NAA50: variants seen among roughly 807,000 people sequenced by gnomAD.
NAA50 encodes N-alpha-acetyltransferase 50.
In NAA50, 7 loss-of-function variants were observed where a neutral mutation model predicts 20.7. That is an observed-to-expected ratio of 0.34 (90% CI 0.19 to 0.63). The LOEUF is 0.63. Ranked by LOEUF, NAA50 falls within the 30% of genes least tolerant of loss-of-function variation. The pLI, the probability that NAA50 is intolerant of heterozygous loss-of-function variation, is 0.75. For missense variants in NAA50, 111 were observed against 199.1 expected, an observed-to-expected ratio of 0.56 and a Z score of 2.66; for synonymous variants, 54 against 70.6, an observed-to-expected ratio of 0.77 and a Z score of 1.18.
Position 113,721,750 on chromosome 3 carries a change from T to C in NAA50, c.*10A>G. On this transcript the variant is annotated 3_prime_UTR_variant, in exon 5 of 5. Transcript: ENST00000240922. Reference sequence around the variant, plus strand: ...ACAAGCAAGTGCAAGAAAGTTCATTTGTAATTTGTTCAGTTGTCTGTCTTT... The same window carrying C: ...ACAAGCAAGTGCAAGAAAGTTCATTCGTAATTTGTTCAGTTGTCTGTCTTT... 3 of 1,613,610 alleles carry C rather than the reference T, an allele frequency of 1.9e-6. No individual in the cohort carries two copies. The highest frequency in any genetic ancestry group is 2.5e-6 in the Non-Finnish European group (3 of 1,179,684).
At chr3:113,731,248 A>G (rs1463101777) in intron 1 of NAA50, among the ~76,000 whole-genome samples, 1 of 152,138 alleles carries the variant, frequency 6.6e-6, no homozygotes, top group African/African-American at 2.4e-5. Flanking sequence ...TGTATGTTGC[A>G]AAGAATTTTT....
chr3:113,723,117 G>T (rs887157728), intron 3 of NAA50, 145 bp from the exon 4 acceptor site: 2 of 1,189,030 alleles, frequency 1.7e-6, no homozygotes, highest in Admixed American at 6.7e-5. Context: ...CCAAAGTTGT[G>T]TTCTCTCTCT....
At chr3:113,735,091 A>G (rs1195994203) in intron 1 of NAA50, among the ~76,000 whole-genome samples, 1 of 152,246 alleles carries the variant, frequency 6.6e-6, no homozygotes, top group Admixed American at 6.5e-5. Flanking sequence ...TTATGGGACT[A>G]TATGAGACTA....
At chr3:113,745,874 T>TC in intron 1 of NAA50, 68 bp downstream of exon 1, 1 of 1,537,622 alleles carries the variant, frequency 6.5e-7, no homozygotes, top group African/African-American at 1.4e-5. Flanking sequence ...TTTGCGGCTC[T>TC]CCCCCTCTAC....
Position 113,720,301 on chromosome 3 carries a change from T to C in NAA50, c.*1459A>G, listed in dbSNP as rs1345152112. 6.6e-6 allele frequency: 1 copy of C among 152,380 alleles called. No homozygotes were observed. The highest frequency in any genetic ancestry group is 1.5e-5 in the Non-Finnish European group (1 of 68,010). 9.4% of individuals were successfully genotyped at this position (152,380 alleles called of 1,614,324 possible). A position where few individuals can be genotyped will look rare whatever the true frequency, so the allele number is the denominator to read the frequency against. On this transcript the variant is annotated 3_prime_UTR_variant, in exon 5 of 5. Coordinates refer to ENST00000240922, the MANE Select transcript of NAA50 (RefSeq NM_025146.4). ...GCAATTTTACATAAGAGGATAAATA[T>C]GAATGAAACTTCCTTTTAAAGTCAA...
intron 1 of NAA50, among the ~76,000 whole-genome samples, chr3:113,744,995 T>C (rs1708469863): frequency 6.6e-6 from 1 of 152,214 alleles, no homozygotes; most frequent in African/African-American, 2.4e-5. Context: ...CAACAAACTA[T>C]GGCATCGCAG....
At chr3:113,722,152 G>A (rs1388440905) in intron 4 of NAA50, among the ~76,000 whole-genome samples, 1 of 151,972 alleles carries the variant, frequency 6.6e-6, no homozygotes, top group Non-Finnish European at 1.5e-5. Context: ...GAGATTAGAA[G>A]GCTCAGTGTT....
At chr3:113,745,878 C>A (rs1234814826) in intron 1 of NAA50, 64 bp downstream of exon 1, 3 of 1,562,948 alleles carry the variant, frequency 1.9e-6, no homozygotes, top group East Asian at 2.5e-5. Flanking sequence ...CGGCTCTCCC[C>A]CTCTACATGG....
chr3:113,738,038 C>T (rs890291810), intron 1 of NAA50, among the ~76,000 whole-genome samples: 5 of 152,100 alleles, frequency 3.3e-5, no homozygotes, highest in African/African-American at 9.7e-5. Flanking sequence ...AACCCTGACT[C>T]TATTTCTTTG....
rs1008088201 is a variant in NAA50, at chr3:113,717,578, A to G, written c.*4182T>C. The G allele has an allele frequency of 6.6e-6, 1 of 152,210 alleles. No homozygotes were observed. Among genetic ancestry groups the G allele is most frequent in the Non-Finnish European group, 1.5e-5 (1 of 68,044 alleles). The allele number at this position is 152,210 out of a possible 1,614,324, so 9.4% of individuals were successfully genotyped here. On this transcript the variant is annotated 3_prime_UTR_variant, in exon 5 of 5. Coordinates refer to ENST00000240922, the MANE Select transcript of NAA50 (RefSeq NM_025146.4). The stretch of plus-strand genomic sequence containing the variant: ...CTACAGTTCAGTCTTGCAAGGGAGA[A>G]CCAATTCAGGACACTGCCATAGAAA...
At chr3:113,725,070 T>G (rs2107985423) in intron 1 of NAA50, among the ~76,000 whole-genome samples, 1 of 152,378 alleles carries the variant, frequency 6.6e-6, no homozygotes, top group East Asian at 1.9e-4. Context: ...AGAAACCACT[T>G]GTAATCAAAA....
At chr3:113,732,904 C>G (rs768366707) in intron 1 of NAA50, among the ~76,000 whole-genome samples, 2 of 152,180 alleles carry the variant, frequency 1.3e-5, no homozygotes, top group African/African-American at 4.8e-5. Context: ...TTTCTCTATA[C>G]CTTTTATTGC....
At chr3:113,727,140 T>G (rs1357501321) in intron 1 of NAA50, among the ~76,000 whole-genome samples, 1 of 152,204 alleles carries the variant, frequency 6.6e-6, no homozygotes, top group East Asian at 1.9e-4. Flanking sequence ...GATCACATCT[T>G]ACCTACACTG....
chr3:113,735,410 C>T (rs886938382), intron 1 of NAA50, among the ~76,000 whole-genome samples: 3 of 152,154 alleles, frequency 2.0e-5, no homozygotes, highest in South Asian at 2.1e-4. Flanking sequence ...AAATTTCCCA[C>T]GGCATGTGCG....
intron 1 of NAA50, chr3:113,739,568 T>C (rs930750053): frequency 6.6e-6 from 1 of 152,218 alleles, no homozygotes; most frequent in African/African-American, 2.4e-5. Context: ...AGAACAAGTT[T>C]CTGACAGAGG....
intron 1 of NAA50, among the ~76,000 whole-genome samples, chr3:113,728,905 T>C (rs138340237): frequency 0.011 from 1,622 of 152,334 alleles, 23 homozygotes; most frequent in African/African-American, 0.037. Context: ...CTCTCCATCC[T>C]TGGCTGCAGT....
Position 113,718,798 on chromosome 3 carries a change from G to A in NAA50, c.*2962C>T, listed in dbSNP as rs1014364622. Reference sequence around the variant, plus strand: ...AACTGAATTGTAGATATTGGGCACTGTACCTAGCAAGTCACAGAAGATCTG... The same window carrying A: ...AACTGAATTGTAGATATTGGGCACTATACCTAGCAAGTCACAGAAGATCTG... On this transcript the variant is annotated 3_prime_UTR_variant, in exon 5 of 5. Transcript: ENST00000240922. 1 of 152,386 alleles carries A rather than the reference G, an allele frequency of 6.6e-6. No individual in the cohort carries two copies. Among genetic ancestry groups the A allele is most frequent in the African/African-American group, 2.4e-5 (1 of 41,446 alleles). The allele number at this position is 152,386 out of a possible 1,614,324, so 9.4% of individuals were successfully genotyped here.
At chr3:113,726,251 T>C (rs1708198480) in intron 1 of NAA50, among the ~76,000 whole-genome samples, 1 of 151,974 alleles carries the variant, frequency 6.6e-6, no homozygotes, top group Non-Finnish European at 1.5e-5. Flanking sequence ...ATAGGAAGTT[T>C]AAAAAAGTAA....
At chr3:113,730,861 C>A (rs1708262952) in intron 1 of NAA50, among the ~76,000 whole-genome samples, 1 of 152,198 alleles carries the variant, frequency 6.6e-6, no homozygotes, top group East Asian at 1.9e-4. Flanking sequence ...TTTTAGGTAA[C>A]TGCAAGTAAA....
Sources: allele counts gnomAD v4.1 joint callset (sites outside exome capture counted in the v4.1 genomes callset), GRCh38; gene constraint gnomAD v4.1.1; transcripts MANE v1.5; gene names NCBI Gene and HGNC (gene_info 2026-07-23, HGNC 2026-07-21).